HEMK2: variants seen among roughly 807,000 people sequenced by gnomAD.
HEMK2 encodes HemK methyltransferase 2, ETF1 glutamine and histone H4 lysine.
the HEMK2 span, among the ~76,000 whole-genome samples, chr21:28,767,556 G>A: frequency 6.8e-6 from 1 of 147,700 alleles, no homozygotes; most frequent in Non-Finnish European, 1.5e-5. Flanking sequence ...CAATTGGCAA[G>A]AGCAACAACA....
chr21:28,640,285 T>C, the HEMK2 span, among the ~76,000 whole-genome samples: 2 of 152,094 alleles, frequency 1.3e-5, no homozygotes, highest in Admixed American at 1.3e-4. Context: ...TCTGGGGAGA[T>C]GGAGACACAA....
At chr21:28,640,869 G>A in the HEMK2 span, among the ~76,000 whole-genome samples, 3 of 152,194 alleles carry the variant, frequency 2.0e-5, no homozygotes, top group African/African-American at 7.2e-5. Context: ...CTGCCCTGCA[G>A]GAGATCATGG....
the HEMK2 span, among the ~76,000 whole-genome samples, chr21:28,701,801 T>C: frequency 2.0e-4 from 31 of 152,138 alleles, no homozygotes; most frequent in African/African-American, 6.5e-4. Flanking sequence ...AAACTACCAA[T>C]GACATTCTTC....
chr21:28,580,993 C>T, the HEMK2 span, among the ~76,000 whole-genome samples: 1 of 152,052 alleles, frequency 6.6e-6, no homozygotes, highest in Admixed American at 6.5e-5. Flanking sequence ...CCATTGCCAA[C>T]GTGAATAATG....
chr21:28,612,641 C>A, the HEMK2 span, among the ~76,000 whole-genome samples: 2 of 152,102 alleles, frequency 1.3e-5, no homozygotes, highest in African/African-American at 4.8e-5. Context: ...GGAAGTCAAC[C>A]TGTCACTGTT....
At chr21:28,604,804 G>A in the HEMK2 span, among the ~76,000 whole-genome samples, 1 of 152,192 alleles carries the variant, frequency 6.6e-6, no homozygotes, top group Non-Finnish European at 1.5e-5. Context: ...GCTTGGCACA[G>A]ATCTTACTAA....
chr21:28,656,631 T>C, the HEMK2 span, among the ~76,000 whole-genome samples: 1 of 152,016 alleles, frequency 6.6e-6, no homozygotes, highest in Non-Finnish European at 1.5e-5. Flanking sequence ...ATAAAGACAA[T>C]GACAACATCA....
the HEMK2 span, among the ~76,000 whole-genome samples, chr21:28,795,372 C>T: frequency 6.6e-6 from 1 of 152,126 alleles, no homozygotes; most frequent in Non-Finnish European, 1.5e-5. Flanking sequence ...CTGGCTGATG[C>T]CAAAACACTG....
the HEMK2 span, among the ~76,000 whole-genome samples, chr21:28,722,221 T>C: frequency 2.0e-5 from 3 of 151,540 alleles, no homozygotes; most frequent in South Asian, 4.2e-4. Flanking sequence ...TTAAAAAAAA[T>C]TGATAAAAGA....
At chr21:28,626,838 C>T in the HEMK2 span, among the ~76,000 whole-genome samples, 4 of 152,290 alleles carry the variant, frequency 2.6e-5, no homozygotes, top group South Asian at 4.1e-4. Context: ...TGAGACACTA[C>T]TTCAAACCCA....
the HEMK2 span, among the ~76,000 whole-genome samples, chr21:28,677,775 C>T: frequency 6.6e-6 from 1 of 152,168 alleles, no homozygotes; most frequent in African/African-American, 2.4e-5. Flanking sequence ...CTGCTGATAC[C>T]CAGGCAAACA....
At chr21:28,822,726 G>A in the HEMK2 span, among the ~76,000 whole-genome samples, 2 of 152,098 alleles carry the variant, frequency 1.3e-5, no homozygotes, top group Non-Finnish European at 2.9e-5. Context: ...TTATCTAGCT[G>A]AGCTGCTGTA....
chr21:28,816,362 A>C, the HEMK2 span, among the ~76,000 whole-genome samples: 14 of 152,324 alleles, frequency 9.2e-5, no homozygotes, highest in Non-Finnish European at 8.8e-5. Flanking sequence ...GGGAAATAAA[A>C]AATAATAATT....
chr21:28,823,502 T>C, the HEMK2 span, among the ~76,000 whole-genome samples: 2 of 152,234 alleles, frequency 1.3e-5, no homozygotes, highest in Non-Finnish European at 2.9e-5. Context: ...AAAGTTTACA[T>C]GGAATCTCTG....
At chr21:28,882,885 A>G in the HEMK2 span, 2 of 757,370 alleles carry the variant, frequency 2.6e-6, no homozygotes, top group African/African-American at 3.6e-5. Context: ...TGCTATGCTT[A>G]AATACTATAA....
the HEMK2 span, chr21:28,874,124 A>G: frequency 1.3e-5 from 2 of 152,212 alleles, no homozygotes; most frequent in Non-Finnish European, 2.9e-5. Context: ...CCACTGCTCT[A>G]TGTAGCCAGT....
chr21:28,735,078 T>C, the HEMK2 span, among the ~76,000 whole-genome samples: 1 of 152,194 alleles, frequency 6.6e-6, no homozygotes, highest in Admixed American at 6.5e-5. Context: ...AAGGCTAGTC[T>C]GGGCATGGCT....
chr21:28,769,537 A>C, the HEMK2 span, among the ~76,000 whole-genome samples: 4 of 152,198 alleles, frequency 2.6e-5, no homozygotes, highest in South Asian at 8.3e-4. Flanking sequence ...CTAGGTTATT[A>C]TTAAAGTAAG....
the HEMK2 span, among the ~76,000 whole-genome samples, chr21:28,815,247 G>T: frequency 7.7e-6 from 1 of 130,686 alleles, no homozygotes; most frequent in South Asian, 3.0e-4. Flanking sequence ...GGGGGAGGGG[G>T]AAGGGATAGC....
Sources: gnomAD v4.1 joint callset for allele counts (sites outside exome capture counted in the v4.1 genomes callset) on GRCh38, gnomAD v4.1.1 for gene constraint, MANE v1.5 for transcripts, NCBI Gene and HGNC (gene_info 2026-07-23, HGNC 2026-07-21) for gene names.